The following TGFBR2 variants were observed in gnomAD, a reference collection of about 807,000 sequenced individuals.
TGFBR2 encodes transforming growth factor beta receptor 2.
A neutral mutation model predicts 49.0 loss-of-function variants in TGFBR2; 18 were observed. The observed-to-expected ratio is 0.37, with a 90% CI of 0.25 to 0.54. The LOEUF is 0.54. Ranked by LOEUF, TGFBR2 falls within the 20% of genes least tolerant of loss-of-function variation. TGFBR2 has a pLI of 0.85. For synonymous variants in TGFBR2, 282 were observed against 275.9 expected (o/e 1.02, Z -0.22); for missense variants, 525 against 722.6 (o/e 0.73, Z 3.13).
chr3:30,673,183 G>A (rs1316325007), intron 4 of TGFBR2, among the ~76,000 whole-genome samples: 1 of 152,186 alleles, frequency 6.6e-6, no homozygotes, highest in African/African-American at 2.4e-5. Context: ...AGCGCACGCA[G>A]TGTTGAGGTA....
intron 5 of TGFBR2, among the ~76,000 whole-genome samples, chr3:30,677,289 C>T (rs1156380994): frequency 6.6e-6 from 1 of 152,118 alleles, no homozygotes; most frequent in Non-Finnish European, 1.5e-5. Flanking sequence ...ACAAGTTTTC[C>T]CAAGGAAGGA....
chr3:30,617,027 ATG>A (rs1179648033), intron 1 of TGFBR2, among the ~76,000 whole-genome samples: 3 of 152,162 alleles, frequency 2.0e-5, no homozygotes, highest in Admixed American at 2.0e-4. Context: ...AAGTTATGAA[ATG>A]CTTTGCTATG....
intron 1 of TGFBR2, among the ~76,000 whole-genome samples, chr3:30,635,385 G>A (rs942961734): frequency 6.6e-6 from 1 of 152,192 alleles, no homozygotes; most frequent in Non-Finnish European, 1.5e-5. Context: ...TTCAGCAAGC[G>A]TTGGGGGGAC....
chr3:30,631,880 T>C (rs1165487259), intron 1 of TGFBR2, among the ~76,000 whole-genome samples: 1 of 152,132 alleles, frequency 6.6e-6, no homozygotes, highest in Non-Finnish European at 1.5e-5. Context: ...ATTCAGAGCC[T>C]TCTCCACTGC....
intron 1 of TGFBR2, among the ~76,000 whole-genome samples, chr3:30,608,216 C>A (rs1163853934): frequency 6.6e-6 from 1 of 152,084 alleles, no homozygotes; most frequent in East Asian, 1.9e-4. Context: ...GGATTACAGG[C>A]GTGAGCCACC....
chr3:30,615,279 G>A (rs1698109692), intron 1 of TGFBR2, among the ~76,000 whole-genome samples: 2 of 145,720 alleles, frequency 1.4e-5, no homozygotes, highest in Admixed American at 1.3e-4. Flanking sequence ...CCTATACCCT[G>A]GTATAGGTCC....
intron 3 of TGFBR2, among the ~76,000 whole-genome samples, chr3:30,654,013 A>G (rs1213073037): frequency 6.6e-6 from 1 of 152,138 alleles, no homozygotes; most frequent in Non-Finnish European, 1.5e-5. Context: ...TATGTAAGGC[A>G]CTAAAACCTG....
At chr3:30,689,060 G>T (rs892895228) in intron 6 of TGFBR2, among the ~76,000 whole-genome samples, 7 of 152,140 alleles carry the variant, frequency 4.6e-5, no homozygotes, top group African/African-American at 1.7e-4. Flanking sequence ...TCCTCACTCT[G>T]GAATTAAGGA....
intron 2 of TGFBR2, among the ~76,000 whole-genome samples, chr3:30,645,656 T>C (rs1183653682): frequency 2.0e-5 from 3 of 152,002 alleles, no homozygotes; most frequent in Non-Finnish European, 4.4e-5. Flanking sequence ...TGGCTAAGTT[T>C]TGTATTTTTA....
rs1359483050 is a variant in TGFBR2, at chr3:30,693,156, T to G, written c.*1557T>G. On this transcript the variant is annotated 3_prime_UTR_variant, in exon 7 of 7. Transcript: ENST00000295754. ...AGGGTCTCAGTTAGCCCAAGTTTCT[T>G]TTGCTTATATGTTAATAGTTTTACC... 8.6e-6 allele frequency: 2 copies of G among 233,214 alleles called. No homozygotes were observed. Among genetic ancestry groups the G allele is most frequent in the Non-Finnish European group, 1.7e-5 (2 of 117,972 alleles). 14.4% of individuals were successfully genotyped at this position (233,214 alleles called of 1,614,324 possible). A position where few individuals can be genotyped will look rare whatever the true frequency, so the allele number is the denominator to read the frequency against.
rs1230983573 is a variant in TGFBR2, at chr3:30,676,765, T to C, written c.1396+2519T>C. 6.6e-6 allele frequency among the ~76,000 whole-genome samples: 1 copy of C among 152,214 alleles called. No homozygotes were observed. Among genetic ancestry groups the C allele is most frequent in the African/African-American group, 2.4e-5 (1 of 41,450 alleles). On this transcript the variant is annotated intron_variant, in intron 5 of 6. Transcript: ENST00000295754. The surrounding 1 kb of genome is among the most constrained non-coding windows in gnomAD (Gnocchi z 4.3). ...CCTGCACCCTGCTGAACCTCACATG[T>C]TTTCCTGAGACCCCCGCATGGGGAT...
Position 30,606,781 on chromosome 3 carries a change from G to C in TGFBR2, c.-103G>C. ...CGCACATCTGCGCTGCCGGCCCGGCGCGGGGTCCGGAGAGGGCGCGGCGCG... is the reference window on the plus strand; with the variant it reads ...CGCACATCTGCGCTGCCGGCCCGGCCCGGGGTCCGGAGAGGGCGCGGCGCG... On this transcript the variant is annotated 5_prime_UTR_variant, in exon 1 of 7. Transcript: ENST00000295754. 1.2e-6 allele frequency: 1 copy of C among 843,106 alleles called. No individual in the cohort carries two copies. The highest frequency in any genetic ancestry group is 1.6e-6 in the Non-Finnish European group (1 of 617,826). 52.2% of individuals were successfully genotyped at this position (843,106 alleles called of 1,614,324 possible).
chr3:30,647,721 G>T (rs1446071238), intron 2 of TGFBR2, among the ~76,000 whole-genome samples: 3 of 151,816 alleles, frequency 2.0e-5, no homozygotes. Flanking sequence ...CTGTTGCCCA[G>T]GCTGGAGTGC....
rs1440017875 is a variant in TGFBR2 at position 30,693,579 on chromosome 3, G to A, written c.*1980G>A. 1 of 233,296 alleles carries A rather than the reference G, an allele frequency of 4.3e-6. No homozygotes were observed. Among genetic ancestry groups the A allele is most frequent in the Non-Finnish European group, 8.5e-6 (1 of 117,832 alleles). 14.5% of individuals were successfully genotyped at this position (233,296 alleles called of 1,614,324 possible). A position where few individuals can be genotyped will look rare whatever the true frequency, so the allele number is the denominator to read the frequency against. On this transcript the variant is annotated 3_prime_UTR_variant, in exon 7 of 7. Transcript: ENST00000295754. ...CAAAGGTTTGGAAATAGAACCTCTA[G>A]GCACCCTCCTCAGTGTGGGTGGGCT...
intron 1 of TGFBR2, among the ~76,000 whole-genome samples, chr3:30,618,469 C>T (rs1698170094): frequency 6.6e-6 from 1 of 152,018 alleles, no homozygotes; most frequent in South Asian, 2.1e-4. Context: ...AACTCCTGAC[C>T]TCGTGATCCG....
chr3:30,681,477 G>T (rs1699539600), intron 5 of TGFBR2, among the ~76,000 whole-genome samples: 1 of 152,106 alleles, frequency 6.6e-6, no homozygotes, highest in African/African-American at 2.4e-5. Context: ...CCCTCTGAGG[G>T]TTGTGGAACT....
chr3:30,630,871 G>A (rs1041848379), intron 1 of TGFBR2, among the ~76,000 whole-genome samples: 2 of 152,036 alleles, frequency 1.3e-5, no homozygotes, highest in Non-Finnish European at 2.9e-5. Context: ...GGGCTCTTAC[G>A]AGACATCAGA....
intron 1 of TGFBR2, among the ~76,000 whole-genome samples, chr3:30,636,519 G>T (rs995730963): frequency 6.6e-6 from 1 of 152,062 alleles, no homozygotes; most frequent in Non-Finnish European, 1.5e-5. Flanking sequence ...AATCTGCCTT[G>T]CATTTGCTCA....
chr3:30,612,254 T>C (rs998181936), intron 1 of TGFBR2, among the ~76,000 whole-genome samples: 28 of 152,218 alleles, frequency 1.8e-4, no homozygotes, highest in Admixed American at 1.2e-3. Flanking sequence ...AGTTTTATTA[T>C]CTTTATTTTA....
Sources: gnomAD v4.1 joint callset for allele counts (sites outside exome capture counted in the v4.1 genomes callset) on GRCh38, gnomAD v4.1.1 for gene constraint, Gnocchi (gnomAD v3.1) non-coding constraint, MANE v1.5 for transcripts, NCBI Gene and HGNC (gene_info 2026-07-23, HGNC 2026-07-21) for gene names.